HRH2: variants seen among roughly 807,000 people sequenced by gnomAD.
HRH2 encodes histamine H2 receptor.
A neutral mutation model predicts 20.1 loss-of-function variants in HRH2; 4 were observed. That is an observed-to-expected ratio of 0.20 (90% CI 0.10 to 0.45). The LOEUF (loss-of-function observed/expected upper bound fraction) is 0.45. Ranked by LOEUF, HRH2 falls within the 20% of genes least tolerant of loss-of-function variation. The probability of loss-of-function intolerance (pLI) is 0.99; values close to 1 mark genes in which losing one functional copy is unlikely to be tolerated. For missense variants in HRH2, 250 were observed against 461.6 expected (o/e 0.54, Z 4.20); for synonymous variants, 197 against 200.7 (o/e 0.98, Z 0.16).
chr5:175,696,190 G>A (rs572361403), intron 2 of HRH2, among the ~76,000 whole-genome samples: 1 of 152,274 alleles, frequency 6.6e-6, no homozygotes, highest in East Asian at 1.9e-4. Flanking sequence ...CCTTCAGTTT[G>A]AAAAAAACAT....
intron 2 of HRH2, chr5:175,685,282 C>A: frequency 1.2e-6 from 1 of 808,852 alleles, no homozygotes; most frequent in Non-Finnish European, 1.9e-6. Context: ...AGGAAGCTCG[C>A]TGTGAGGAGA....
intron 2 of HRH2, chr5:175,685,448 G>C (rs1756138287): frequency 6.4e-7 from 1 of 1,551,568 alleles, no homozygotes; most frequent in Non-Finnish European, 8.7e-7. Flanking sequence ...CTGTGGAACT[G>C]ACCCATTCAT....
intron 1 of HRH2, among the ~76,000 whole-genome samples, chr5:175,674,688 A>C (rs969812824): frequency 6.6e-6 from 1 of 152,206 alleles, no homozygotes; most frequent in Non-Finnish European, 1.5e-5. Context: ...GCTTGGGACA[A>C]GACATGCTTG....
At chr5:175,667,017 C>CATATATATATATATATATATATAT (rs143167989) in intron 1 of HRH2, among the ~76,000 whole-genome samples, 65 of 150,378 alleles carry the variant, frequency 4.3e-4, no homozygotes, top group African/African-American at 1.6e-3. Context: ...CAAATAAAGG[C>CATATATATATATATATATATATAT]ATATATATAT....
intron 2 of HRH2, among the ~76,000 whole-genome samples, chr5:175,700,750 T>C (rs571443832): frequency 6.6e-6 from 1 of 152,134 alleles, no homozygotes; most frequent in Non-Finnish European, 1.5e-5. Context: ...TAGCCAGGCA[T>C]GGTGGCATGC....
chr5:175,691,289 G>A (rs1235650702), intron 2 of HRH2: 3 of 152,572 alleles, frequency 2.0e-5, no homozygotes, highest in Non-Finnish European at 4.4e-5. Context: ...GAGCAGAGAG[G>A]AGGTGGGAAG....
intron 1 of HRH2, among the ~76,000 whole-genome samples, chr5:175,666,234 A>G (rs531284548): frequency 1.3e-5 from 2 of 152,264 alleles, no homozygotes; most frequent in East Asian, 3.9e-4. Context: ...CTTGCCCTGC[A>G]GTCCCCAGAC....
chr5:175,661,174 C>T (rs1283476113), intron 1 of HRH2, among the ~76,000 whole-genome samples: 1 of 152,162 alleles, frequency 6.6e-6, no homozygotes, highest in Non-Finnish European at 1.5e-5. Context: ...TCCTACTCAT[C>T]CTTCAAGATT....
chr5:175,684,213 C>T lies in HRH2; in HGVS notation c.980C>T (p.Thr327Ile). ...LRSNASQLSR[T>I]QSREPRQQEE... ...TCCAACGCCTCTCAGCTGTCCAGGA[C>T]CCAAAGCCGAGAACCCAGGCAACAG... Residue 327 changes from threonine (T) to isoleucine (I), a missense_variant, in exon 2 of 3, where the codon ACC becomes ATC. By Grantham distance (89) the Thr-to-Ile change is moderately conservative (BLOSUM62 -1). Coordinates refer to ENST00000636584, the MANE Select transcript of HRH2 (RefSeq NM_001367711.1). 2 of 1,614,178 alleles carry T rather than the reference C, an allele frequency of 1.2e-6. No homozygotes were observed.
intron 1 of HRH2, among the ~76,000 whole-genome samples, chr5:175,678,066 G>A (rs1295891508): frequency 1.3e-5 from 2 of 152,084 alleles, no homozygotes; most frequent in East Asian, 3.9e-4. Context: ...GAAGCCTTTC[G>A]TACCTACACC....
intron 1 of HRH2, among the ~76,000 whole-genome samples, chr5:175,667,730 G>T (rs1025753293): frequency 1.3e-5 from 2 of 152,134 alleles, no homozygotes; most frequent in African/African-American, 4.8e-5. Context: ...AGTAACAGCT[G>T]TAGTAATTTT....
chr5:175,689,259 T>G (rs1756280503), intron 2 of HRH2, among the ~76,000 whole-genome samples: 1 of 151,934 alleles, frequency 6.6e-6, no homozygotes, highest in South Asian at 2.1e-4. Flanking sequence ...CTCCTGCCCC[T>G]CTGGCCCCCC....
chr5:175,708,924 G>C lies in HRH2; in HGVS notation c.*953G>C, dbSNP rs966825956. 1.3e-5 allele frequency: 2 copies of C among 152,170 alleles called. No individual in the cohort carries two copies. Among genetic ancestry groups the C allele is most frequent in the Non-Finnish European group, 2.9e-5 (2 of 68,084 alleles). 9.4% of individuals were successfully genotyped at this position (152,170 alleles called of 1,614,324 possible). On this transcript the variant is annotated 3_prime_UTR_variant, in exon 3 of 3. Coordinates refer to ENST00000636584, the MANE Select transcript of HRH2 (RefSeq NM_001367711.1). ...TGGATCTTGAGGGACTGTAATGGTT[G>C]TGAATGGGGGAGTTGGCCCCCAGCA...
intron 2 of HRH2, among the ~76,000 whole-genome samples, chr5:175,701,316 C>T (rs1396357565): frequency 6.6e-6 from 1 of 152,178 alleles, no homozygotes. Context: ...GCTCTCTTAA[C>T]TGCAAGGAGC....
At chr5:175,692,083 C>T (rs1475747053) in intron 2 of HRH2, among the ~76,000 whole-genome samples, 2 of 152,122 alleles carry the variant, frequency 1.3e-5, no homozygotes, top group Non-Finnish European at 2.9e-5. Context: ...CTTCAGGAGA[C>T]AGCCCGGCAA....
intron 1 of HRH2, among the ~76,000 whole-genome samples, chr5:175,660,019 T>G (rs1291239707): frequency 6.6e-6 from 1 of 152,136 alleles, no homozygotes; most frequent in Admixed American, 6.5e-5. Context: ...AGGCCGATTC[T>G]CCTGAGCTCA....
chr5:175,683,881 C>T lies in HRH2; in HGVS notation c.648C>T (p.Ile216=). The T allele has an allele frequency of 1.2e-6, 2 of 1,614,176 alleles. No individual in the cohort carries two copies. Among genetic ancestry groups the T allele is most frequent in the Middle Eastern group, 1.6e-4 (1 of 6,062 alleles). ...FKVARDQAKR[I]NHISSWKAAT... ...TCGCCCGGGATCAGGCCAAGAGGATCAATCACATTAGCTCCTGGAAGGCAG... is the reference window on the plus strand; with the variant it reads ...TCGCCCGGGATCAGGCCAAGAGGATTAATCACATTAGCTCCTGGAAGGCAG... The change falls in exon 2 of 3, where the codon ATC becomes ATT. Residue 216 remains isoleucine (I), a synonymous_variant. Transcript: ENST00000636584.
chr5:175,706,814 C>A (rs1756954573), intron 2 of HRH2, among the ~76,000 whole-genome samples: 1 of 152,322 alleles, frequency 6.6e-6, no homozygotes, highest in East Asian at 1.9e-4. Flanking sequence ...CAAAGTCAGG[C>A]CTCCAAACCC....
rs35616765 is a variant in HRH2, at chr5:175,683,091, CAAAA to C, written c.-125_-122del. ...ATTGAAGCCTTCCCCACCCCCTGGC[CAAAA>C]AAAAAAAAAAAAAAAAACTGGACAC... On this transcript the variant is annotated 5_prime_UTR_variant, in exon 2 of 3. Coordinates refer to ENST00000636584, the MANE Select transcript of HRH2 (RefSeq NM_001367711.1). The C allele has an allele frequency of 3.8e-3, 2,185 of 578,740 alleles. No individual in the cohort carries two copies. Among genetic ancestry groups the C allele is most frequent in the South Asian group, 5.0e-3 (200 of 39,918 alleles). 35.9% of individuals were successfully genotyped at this position (578,740 alleles called of 1,614,324 possible).
Sources: allele counts gnomAD v4.1 joint callset (sites outside exome capture counted in the v4.1 genomes callset), GRCh38; gene constraint gnomAD v4.1.1; transcripts MANE v1.5; gene names NCBI Gene and HGNC (gene_info 2026-07-23, HGNC 2026-07-21).